VPS53: variants seen among roughly 807,000 people sequenced by gnomAD.
VPS53 encodes vacuolar protein sorting-associated protein 53 homolog.
Under a neutral mutation model 107.0 loss-of-function variants are expected in VPS53, and 70 were observed. The ratio of observed to expected loss-of-function variants is 0.65; its 90% CI spans 0.54 to 0.80. The LOEUF is 0.80. Among genes scored for constraint, VPS53 ranks in the 30% least tolerant of loss-of-function variants. The probability of loss-of-function intolerance (pLI) is 0.00; values close to 1 mark genes in which losing one functional copy is unlikely to be tolerated. For synonymous variants in VPS53, 409 were observed against 393.3 expected (o/e 1.04, Z -0.47); for missense variants, 917 against 1,049.4 (o/e 0.87, Z 1.74).
At chr17:675,767 CAAAAAAAAAAAA>C (rs33935429) in intron 4 of VPS53, 1 of 72,364 alleles carries the variant, frequency 1.4e-5, no homozygotes, top group African/African-American at 6.9e-5. Context: ...ACTCCCATCT[CAAAAAAAAAAAA>C]AAAAAAAAAA....
chr17:664,443 G>A (rs189367964), intron 4 of VPS53, among the ~76,000 whole-genome samples: 5 of 152,244 alleles, frequency 3.3e-5, no homozygotes, highest in African/African-American at 1.2e-4. Flanking sequence ...AAAAGACCTC[G>A]GTGTTTTGGA....
intron 19 of VPS53, chr17:532,619 C>G (rs888421914): frequency 2.6e-6 from 3 of 1,150,500 alleles, no homozygotes; most frequent in African/African-American, 3.1e-5. Flanking sequence ...ATGGTGCTTG[C>G]TGTGTTATAC....
chr17:531,773 CTTTTTTTTTTTTTT>C (rs71145747), intron 19 of VPS53, among the ~76,000 whole-genome samples: 1 of 86,686 alleles, frequency 1.2e-5, no homozygotes, highest in Non-Finnish European at 2.1e-5. Context: ...GGGATTTATT[CTTTTTTTTTTTTTT>C]TTTTTTTGAG....
chr17:575,413 C>G (rs1272583721), intron 13 of VPS53, among the ~76,000 whole-genome samples: 1 of 152,192 alleles, frequency 6.6e-6, no homozygotes, highest in African/African-American at 2.4e-5. Flanking sequence ...AAATGCAACC[C>G]CAGAGAGCCT....
intron 19 of VPS53, among the ~76,000 whole-genome samples, chr17:522,626 T>C (rs1013932536): frequency 1.3e-5 from 2 of 152,262 alleles, no homozygotes; most frequent in African/African-American, 4.8e-5. Flanking sequence ...CAAAAAATAG[T>C]AACTCATTAT....
Position 623,522 on chromosome 17 carries a change from G to C in VPS53, c.1116+11C>G. ...TGATTTCACGTGGCAGCTCCCTAGG[G>C]AAGGTCTTACCAGGGTCCCATCGGT... is the stretch of plus-strand genomic sequence containing the variant. On this transcript the variant is annotated intron_variant, in intron 11 of 21. Coordinates refer to ENST00000437048, the MANE Select transcript of VPS53 (RefSeq NM_001128159.3). 1 of 1,608,538 alleles carries C rather than the reference G, an allele frequency of 6.2e-7. No individual in the cohort carries two copies.
In VPS53 at chr17:519,796, C is replaced by T; in HGVS notation, c.2328+30G>A. On this transcript the variant is annotated intron_variant, in intron 21 of 21. Transcript: ENST00000437048. This position sits in a 1 kb window ranked among gnomAD's most constrained non-coding sequence, Gnocchi z 5.0. ...AACCGCTGAGTGTGAGGGGGATGAG[C>T]AGGTGTGGACCAAATGTCCCGGCAC... 6.9e-7 allele frequency: 1 copy of T among 1,450,718 alleles called. No homozygotes were observed. 89.9% of individuals were successfully genotyped at this position (1,450,718 alleles called of 1,614,324 possible). A position where few individuals can be genotyped will look rare whatever the true frequency, so the allele number is the denominator to read the frequency against.
intron 19 of VPS53, among the ~76,000 whole-genome samples, chr17:527,194 TC>T (rs2151799765): frequency 6.6e-6 from 1 of 152,320 alleles, no homozygotes; most frequent in South Asian, 2.1e-4. Context: ...TCTCGTCCAG[TC>T]AATGCTCTCC....
intron 4 of VPS53, among the ~76,000 whole-genome samples, chr17:673,501 C>T: frequency 6.6e-6 from 1 of 152,244 alleles, no homozygotes; most frequent in Admixed American, 6.5e-5. Flanking sequence ...ACGCAGCCCA[C>T]TCCCCATGAT....
intron 11 of VPS53, among the ~76,000 whole-genome samples, chr17:611,988 A>C (rs1968901511): frequency 6.6e-6 from 1 of 152,232 alleles, no homozygotes; most frequent in Non-Finnish European, 1.5e-5. Flanking sequence ...ACAGATATTC[A>C]CAGCAGTATT....
intron 4 of VPS53, among the ~76,000 whole-genome samples, chr17:690,418 G>A (rs1263324149): frequency 1.3e-5 from 2 of 152,216 alleles, no homozygotes; most frequent in Non-Finnish European, 2.9e-5. Context: ...AATTGTGAGA[G>A]TTACATGAAA....
intron 13 of VPS53, among the ~76,000 whole-genome samples, chr17:566,221 A>AG (rs1226044898): frequency 1.3e-5 from 2 of 151,658 alleles, no homozygotes; most frequent in African/African-American, 4.8e-5. Context: ...AAAAAAAAAA[A>AG]AGAAAGAAAT....
intron 12 of VPS53, among the ~76,000 whole-genome samples, chr17:590,610 G>A (rs1967592519): frequency 6.6e-6 from 1 of 152,150 alleles, no homozygotes; most frequent in Middle Eastern, 3.4e-3. Flanking sequence ...TTTGTCAAAG[G>A]CCTTTTCTGC....
chr17:655,165 C>A (rs138051685), intron 6 of VPS53, among the ~76,000 whole-genome samples: 2 of 152,170 alleles, frequency 1.3e-5, no homozygotes, highest in African/African-American at 4.8e-5. Context: ...CAGCCTGAGA[C>A]GGGCCACAGA....
At chr17:607,276 C>A (rs1025031592) in intron 11 of VPS53, among the ~76,000 whole-genome samples, 14 of 152,172 alleles carry the variant, frequency 9.2e-5, no homozygotes, top group African/African-American at 2.9e-4. Flanking sequence ...TCTTTGGGAT[C>A]TCTCTAAGAA....
chr17:585,790 G>A (rs919005538), intron 13 of VPS53, among the ~76,000 whole-genome samples: 2 of 152,176 alleles, frequency 1.3e-5, no homozygotes, highest in South Asian at 2.1e-4. Context: ...TTACCTTCTC[G>A]ATTTTGGTAA....
chr17:663,931 T>C (rs838373), intron 4 of VPS53, among the ~76,000 whole-genome samples: 58,885 of 151,996 alleles, frequency 0.39, 13,556 homozygotes, highest in Non-Finnish European at 0.52. Flanking sequence ...AGATAATTCC[T>C]AAGTGTGGTG....
At chr17:596,405 T>C (rs1183694990) in intron 12 of VPS53, among the ~76,000 whole-genome samples, 2 of 152,160 alleles carry the variant, frequency 1.3e-5, no homozygotes, top group Non-Finnish European at 2.9e-5. Flanking sequence ...CCACAGGTCC[T>C]GCCCTTGATG....
In VPS53 at chr17:518,432, T is replaced by G. The variant is rs1908461403; in HGVS notation, c.*696A>C. ...GATGCTGCACATCACCTTTGCTATT[T>G]CAGATGACGCTGGAAAGTGCTGTGG... On this transcript the variant is annotated 3_prime_UTR_variant, in exon 22 of 22. Coordinates refer to ENST00000437048, the MANE Select transcript of VPS53 (RefSeq NM_001128159.3). 6.6e-6 allele frequency: 1 copy of G among 152,276 alleles called. No individual in the cohort carries two copies. The highest frequency in any genetic ancestry group is 1.5e-5 in the Non-Finnish European group (1 of 68,132). The allele number at this position is 152,276 out of a possible 1,614,324, so 9.4% of individuals were successfully genotyped here.
Sources: allele counts gnomAD v4.1 joint callset (sites outside exome capture counted in the v4.1 genomes callset), GRCh38; gene constraint gnomAD v4.1.1; non-coding constraint Gnocchi (gnomAD v3.1); transcripts MANE v1.5; gene names NCBI Gene and HGNC (gene_info 2026-07-23, HGNC 2026-07-21).